Variants in MRPS28 observed in about 807,000 individuals in gnomAD.
MRPS28 encodes small ribosomal subunit protein bS1m.
MRPS28 carries 7 observed loss-of-function variants against 10.8 expected under a neutral mutation model. The observed-to-expected ratio is 0.65, with a 90% CI of 0.37 to 1.22. The LOEUF (loss-of-function observed/expected upper bound fraction) is 1.22. Among genes scored for constraint, MRPS28 ranks in the 50% most tolerant of loss-of-function variants. The probability of loss-of-function intolerance (pLI) is 0.02; values close to 1 mark genes in which losing one functional copy is unlikely to be tolerated. For missense variants in MRPS28, 265 were observed against 232.9 expected (o/e 1.14, Z -0.90); for synonymous variants, 121 against 93.3 (o/e 1.30, Z -1.71).
intron 1 of MRPS28, among the ~76,000 whole-genome samples, chr8:80,012,518 G>A (rs1809079183): frequency 1.3e-5 from 2 of 152,190 alleles, no homozygotes; most frequent in African/African-American, 4.8e-5. Context: ...TGCAGAGACT[G>A]GAAGCATACT....
At chr8:79,991,311 C>T (rs1333164001) in intron 2 of MRPS28, among the ~76,000 whole-genome samples, 1 of 150,390 alleles carries the variant, frequency 6.6e-6, no homozygotes, top group Non-Finnish European at 1.5e-5. Context: ...GGAGTGTCAG[C>T]AGCTTAAAAA....
rs770379284 is a variant in MRPS28, at chr8:80,030,099, G to T, written c.150C>A (p.Gly50=). The change falls in exon 1 of 3, where the codon GGC becomes GGA. Residue 50 remains glycine, a synonymous_variant. Coordinates refer to ENST00000276585, the MANE Select transcript of MRPS28 (RefSeq NM_014018.3). ...GCCGCTCCAACGCGCTCGCGAAACC[G>T]CCTGCGCGCGTCTTAGGCTCCTTGG... ...SNAKEPKTRA[G]GFASALERHS... 8 of 1,613,222 alleles carry T rather than the reference G, an allele frequency of 5.0e-6. No individual in the cohort carries two copies. Among genetic ancestry groups the T allele is most frequent in the Non-Finnish European group, 8.5e-7 (1 of 1,179,906 alleles).
At chr8:79,949,848 G>A (rs1807036417) in intron 2 of MRPS28, among the ~76,000 whole-genome samples, 2 of 152,168 alleles carry the variant, frequency 1.3e-5, no homozygotes, top group African/African-American at 4.8e-5. Flanking sequence ...AATTTGAGTA[G>A]TGTTTCTGTA....
intron 1 of MRPS28, among the ~76,000 whole-genome samples, chr8:80,027,887 G>A (rs367961783): frequency 3.3e-5 from 5 of 152,244 alleles, no homozygotes; most frequent in East Asian, 1.9e-4. Context: ...TGTGTTAGAC[G>A]GAGAACAACC....
At chr8:80,026,875 C>T (rs543586483) in intron 1 of MRPS28, among the ~76,000 whole-genome samples, 4 of 152,128 alleles carry the variant, frequency 2.6e-5, no homozygotes, top group South Asian at 2.1e-4. Context: ...GCATATACTG[C>T]CTTATGTTTT....
chr8:79,969,997 G>C (rs1182784629), intron 2 of MRPS28, among the ~76,000 whole-genome samples: 1 of 152,122 alleles, frequency 6.6e-6, no homozygotes. Context: ...TACATGCTTG[G>C]ATATAGCAAT....
At chr8:80,018,751 T>C (rs1809272355) in intron 1 of MRPS28, among the ~76,000 whole-genome samples, 1 of 152,176 alleles carries the variant, frequency 6.6e-6, no homozygotes, top group Admixed American at 6.5e-5. Flanking sequence ...TAAGTGCCCA[T>C]CAACAGATGA....
chr8:79,994,830 T>C (rs1181245391), intron 2 of MRPS28, among the ~76,000 whole-genome samples: 1 of 152,038 alleles, frequency 6.6e-6, no homozygotes, highest in East Asian at 1.9e-4. Flanking sequence ...ATCTCCCCAC[T>C]CTCCCATCAC....
chr8:80,002,089 C>G (rs1012214191), intron 2 of MRPS28, among the ~76,000 whole-genome samples: 1 of 152,008 alleles, frequency 6.6e-6, no homozygotes. Flanking sequence ...TTGGGTAAGA[C>G]CAATTATCAA....
intron 2 of MRPS28, among the ~76,000 whole-genome samples, chr8:79,957,578 C>T (rs1807259139): frequency 6.8e-6 from 1 of 148,148 alleles, no homozygotes; most frequent in Admixed American, 6.8e-5. Flanking sequence ...CTTAGTGAGG[C>T]ATGGTGGTAA....
chr8:80,028,645 C>CGGGCGGCGGGGGGGG, intron 1 of MRPS28: 1 of 3,332 alleles, frequency 3.0e-4, no homozygotes, highest in African/African-American at 1.5e-3. Context: ...AAGCAGAAGA[C>CGGGCGGCGGGGGGGG]GGGCGGGGGG....
chr8:79,950,336 G>T (rs1455555395), intron 2 of MRPS28, among the ~76,000 whole-genome samples: 2 of 152,128 alleles, frequency 1.3e-5, no homozygotes, highest in Non-Finnish European at 2.9e-5. Context: ...TTCAGCCAAA[G>T]AATTTAACCC....
rs1808708778 is a variant in MRPS28 at position 80,003,147 on chromosome 8, T to C, written c.247A>G (p.Met83Val). The C allele has an allele frequency of 2.5e-6, 4 of 1,601,606 alleles. No homozygotes were observed. The highest frequency in any genetic ancestry group is 3.4e-6 in the Non-Finnish European group (4 of 1,176,854). Residue 83 changes from methionine (M) to valine (V), a missense_variant, in exon 2 of 3, where the codon ATG (methionine) becomes GTG (valine). Met to Val is a conservative substitution (Grantham distance 21). Transcript: ENST00000276585. Reference sequence around the variant, plus strand: ...TGTGTAAGAGGAGAATGTCTCAGCATAGATGCAAAGGATTCCACATTTTTT... The same window carrying C: ...TGTGTAAGAGGAGAATGTCTCAGCACAGATGCAAAGGATTCCACATTTTTT... ...SPKNVESFAS[M>V]LRHSPLTQMG...
At chr8:79,957,364 A>C (rs1807247619) in intron 2 of MRPS28, 1 of 152,014 alleles carries the variant, frequency 6.6e-6, no homozygotes, top group South Asian at 2.1e-4. Flanking sequence ...TACTAATAGC[A>C]AGACTCTGGA....
intron 2 of MRPS28, chr8:79,956,743 T>C (rs1807226451): frequency 1.3e-5 from 2 of 152,200 alleles, no homozygotes; most frequent in South Asian, 4.1e-4. Context: ...TATTTGGTTT[T>C]CTGTTCCTGT....
intron 1 of MRPS28, among the ~76,000 whole-genome samples, chr8:80,025,992 C>T (rs1395234227): frequency 6.6e-6 from 1 of 152,178 alleles, no homozygotes; most frequent in Admixed American, 6.5e-5. Flanking sequence ...ATAAAAAACA[C>T]ACTCTCCAGC....
intron 1 of MRPS28, among the ~76,000 whole-genome samples, chr8:80,011,135 A>AT (rs149203015): frequency 0.036 from 4,857 of 136,128 alleles, 230 homozygotes; most frequent in African/African-American, 0.11. Flanking sequence ...TTATTTTTTT[A>AT]TTTTTATTTT....
At chr8:79,982,854 A>G (rs1161059200) in intron 2 of MRPS28, among the ~76,000 whole-genome samples, 1 of 152,150 alleles carries the variant, frequency 6.6e-6, no homozygotes, top group African/African-American at 2.4e-5. Context: ...ACAAACAAAA[A>G]GACAGCAGTA....
chr8:79,965,214 T>C (rs1025451239), intron 2 of MRPS28, among the ~76,000 whole-genome samples: 56 of 152,228 alleles, frequency 3.7e-4, no homozygotes, highest in Admixed American at 9.2e-4. Flanking sequence ...TTCTTCTAAG[T>C]GATTTCTCTA....
Sources: gnomAD v4.1 joint callset for allele counts (sites outside exome capture counted in the v4.1 genomes callset) on GRCh38, gnomAD v4.1.1 for gene constraint, MANE v1.5 for transcripts, NCBI Gene and HGNC (gene_info 2026-07-23, HGNC 2026-07-21) for gene names.